The following ITGAV variants were observed in gnomAD, a reference collection of about 807,000 sequenced individuals.
ITGAV encodes integrin subunit alpha V.
In ITGAV, 76 loss-of-function variants were observed where a neutral mutation model predicts 143.8. The observed-to-expected ratio is 0.53, with a 90% confidence interval of 0.44 to 0.64. ITGAV has a LOEUF of 0.64. Ranked by LOEUF, ITGAV falls within the 30% of genes least tolerant of loss-of-function variation. ITGAV has a pLI of 0.00. For missense variants in ITGAV, 1,193 were observed against 1,274.7 expected, an observed-to-expected ratio of 0.94 and a Z score of 0.98; for synonymous variants, 453 against 446.7, an observed-to-expected ratio of 1.01 and a Z score of -0.18.
chr2:186,649,816 C>A, intron 13 of ITGAV, 24 bp from the exon 14 acceptor site: 1 of 1,511,610 alleles, frequency 6.6e-7, no homozygotes, highest in African/African-American at 1.4e-5. Context: ...TCATTATTAA[C>A]ATGTTTTTCC....
chr2:186,607,125 T>A (rs1442386030), intron 2 of ITGAV, among the ~76,000 whole-genome samples: 1 of 152,180 alleles, frequency 6.6e-6, no homozygotes, highest in Non-Finnish European at 1.5e-5. Flanking sequence ...CCTGCCATTC[T>A]ACATTGTATA....
intron 18 of ITGAV, among the ~76,000 whole-genome samples, chr2:186,660,281 T>C (rs1458876794): frequency 6.6e-6 from 1 of 152,206 alleles, no homozygotes; most frequent in Non-Finnish European, 1.5e-5. Flanking sequence ...GTAGGCTAAC[T>C]TTTGAAACCC....
In ITGAV at chr2:186,678,354, ACCTGGAC is replaced by A. The variant is rs1173451696; in HGVS notation, c.*1065_*1071del. 2 of 159,730 alleles carry A rather than the reference ACCTGGAC, an allele frequency of 1.3e-5. No individual in the cohort carries two copies. The highest frequency in any genetic ancestry group is 4.8e-5 in the African/African-American group (2 of 41,454). 9.9% of individuals were successfully genotyped at this position (159,730 alleles called of 1,614,324 possible). A position where few individuals can be genotyped will look rare whatever the true frequency, so the allele number is the denominator to read the frequency against. ...TGAGAAATCTTTACAGTTGACAGGA[ACCTGGAC>A]CCCTTACCCCAACTTTATGAGTAAT... On this transcript the variant is annotated 3_prime_UTR_variant, in exon 30 of 30. Coordinates refer to ENST00000261023, the MANE Select transcript of ITGAV (RefSeq NM_002210.5).
intron 26 of ITGAV, among the ~76,000 whole-genome samples, chr2:186,670,134 G>T (rs986886954): frequency 1.3e-5 from 2 of 152,078 alleles, no homozygotes; most frequent in Admixed American, 1.3e-4. Context: ...AATCCAGAAG[G>T]TCCCAACAAA....
intron 2 of ITGAV, among the ~76,000 whole-genome samples, chr2:186,618,186 C>CA (rs1483878526): frequency 1.3e-5 from 2 of 151,988 alleles, no homozygotes; most frequent in Admixed American, 6.6e-5. Flanking sequence ...ACTTGGTCTC[C>CA]AAAAAAACAA....
Position 186,622,425 on chromosome 2 carries a change from AT to A in ITGAV, c.407del (p.Leu136TrpfsTer13), listed in dbSNP as rs1687555126. On this transcript the variant is annotated frameshift_variant, in exon 3 of 30. Coordinates refer to ENST00000261023, the MANE Select transcript of ITGAV (RefSeq NM_002210.5). LOFTEE classifies it high-confidence loss of function. ...GASVRSKQDK[I>X]LACAPLYHWR... ...ATCTGTGAGGTCGAAACAGGATAAA[AT>A]TTTGGTGAGTCTTCTGGATATTTAC... is the stretch of plus-strand genomic sequence containing the variant. 2 of 1,605,530 alleles carry A rather than the reference AT, an allele frequency of 1.2e-6. No homozygotes were observed. Among genetic ancestry groups the A allele is most frequent in the Non-Finnish European group, 1.7e-6 (2 of 1,172,266 alleles).
At position 186,646,767 on chromosome 2, in the gene ITGAV, A is replaced by T; in HGVS notation, c.1241A>T (p.Asn414Ile). ...YIFNGRSTGL[N>I]AVPSQILEGQ... is the part of the protein sequence containing the mutation. Reference sequence around the variant, plus strand: ...TTCAATGGAAGATCAACAGGCTTGAACGCAGTCCCATCTCAAATCCTTGAA... The same window carrying T: ...TTCAATGGAAGATCAACAGGCTTGATCGCAGTCCCATCTCAAATCCTTGAA... Residue 414 changes from asparagine (N) to isoleucine (I), a missense_variant, in exon 13 of 30, where the codon AAC (asparagine) becomes ATC (isoleucine). Physicochemically the swap from Asn to Ile is moderately radical, Grantham distance 149 (BLOSUM62 -3). Transcript: ENST00000261023. The T allele has an allele frequency of 6.2e-7, 1 of 1,613,224 alleles. No homozygotes were observed. Among genetic ancestry groups the T allele is most frequent in the Non-Finnish European group, 8.5e-7 (1 of 1,179,440 alleles).
intron 10 of ITGAV, among the ~76,000 whole-genome samples, chr2:186,640,525 A>G (rs1480682793): frequency 1.3e-5 from 2 of 152,200 alleles, no homozygotes; most frequent in African/African-American, 4.8e-5. Context: ...TTCAATCACA[A>G]CATTTGTCTG....
intron 12 of ITGAV, among the ~76,000 whole-genome samples, chr2:186,643,963 A>G (rs1688179353): frequency 6.6e-6 from 1 of 152,168 alleles, no homozygotes; most frequent in Admixed American, 6.5e-5. Context: ...TTATTTGTTG[A>G]GACAGGGTAT....
chr2:186,626,712 T>C (rs951090614), intron 4 of ITGAV, among the ~76,000 whole-genome samples: 3 of 152,104 alleles, frequency 2.0e-5, no homozygotes, highest in Admixed American at 6.5e-5. Context: ...GAAGTGAACA[T>C]TAAAAGAGTG....
Position 186,631,634 on chromosome 2 carries a change from G to A in ITGAV, c.585+776G>A, listed in dbSNP as rs369418925. Among the ~76,000 whole-genome samples, 21 of 152,222 alleles carry A rather than the reference G, an allele frequency of 1.4e-4. No individual in the cohort carries two copies. In the East Asian group the frequency reaches 3.1e-3, roughly 22 times the overall value. Reference sequence around the variant, plus strand: ...CCTTCCTTAGAAAGCTTATATGTACGCTTTCTTAGAAATGTGAGCAAAGAG... The same window carrying A: ...CCTTCCTTAGAAAGCTTATATGTACACTTTCTTAGAAATGTGAGCAAAGAG... On this transcript the variant is annotated intron_variant, in intron 5 of 29. Coordinates refer to ENST00000261023, the MANE Select transcript of ITGAV (RefSeq NM_002210.5).
chr2:186,677,499 GTTTTTAGGTATTTAAATAATAAAA>G lies in ITGAV; in HGVS notation c.*211_*234del. The G allele has an allele frequency of 2.2e-6, 1 of 462,032 alleles. No individual in the cohort carries two copies. The highest frequency in any genetic ancestry group is 3.7e-5 in the East Asian group (1 of 27,218). The allele number at this position is 462,032 out of a possible 1,614,324, so 28.6% of individuals were successfully genotyped here. ...CATTTAATAACATAGGGTGACTTGT[GTTTTTAGGTATTTAAATAATAAAA>G]TTTCAAGGGATAGTTTTTATTCAAT... On this transcript the variant is annotated 3_prime_UTR_variant, in exon 30 of 30. Transcript: ENST00000261023.
At chr2:186,608,048 C>T (rs890509706) in intron 2 of ITGAV, among the ~76,000 whole-genome samples, 10 of 152,242 alleles carry the variant, frequency 6.6e-5, no homozygotes, top group African/African-American at 1.7e-4. Context: ...ATGACTCCTG[C>T]GTCTACCAGG....
chr2:186,608,517 G>C (rs946926245), intron 2 of ITGAV, among the ~76,000 whole-genome samples: 1 of 152,224 alleles, frequency 6.6e-6, no homozygotes, highest in Non-Finnish European at 1.5e-5. Context: ...TTGTAAAATG[G>C]TCCTTTCCTC....
chr2:186,611,605 T>C (rs997327624), intron 2 of ITGAV, among the ~76,000 whole-genome samples: 2 of 152,196 alleles, frequency 1.3e-5, no homozygotes, highest in Non-Finnish European at 2.9e-5. Flanking sequence ...CTTTTTCCCT[T>C]GGCAGCTTTG....
chr2:186,653,928 C>T (rs1032050898), intron 15 of ITGAV, among the ~76,000 whole-genome samples: 1 of 152,102 alleles, frequency 6.6e-6, no homozygotes, highest in African/African-American at 2.4e-5. Flanking sequence ...TGAACACAAC[C>T]CATTAAACTG....
At chr2:186,671,104 C>G (rs1689049117) in intron 26 of ITGAV, among the ~76,000 whole-genome samples, 1 of 152,136 alleles carries the variant, frequency 6.6e-6, no homozygotes, top group Non-Finnish European at 1.5e-5. Context: ...GCTCCTTTCC[C>G]TTCTCGATTG....
chr2:186,676,433 C>T (rs1689210661), intron 28 of ITGAV: 1 of 173,724 alleles, frequency 5.8e-6, no homozygotes, highest in South Asian at 1.4e-4. Flanking sequence ...GAAACCCCTT[C>T]TCTACGAAAA....
chr2:186,624,458 C>T (rs1338777344), intron 3 of ITGAV, among the ~76,000 whole-genome samples: 1 of 152,016 alleles, frequency 6.6e-6, no homozygotes, highest in Non-Finnish European at 1.5e-5. Flanking sequence ...TGCAAAGAAG[C>T]AGGAGTAAGG....
Sources: allele counts gnomAD v4.1 joint callset (sites outside exome capture counted in the v4.1 genomes callset), GRCh38; gene constraint gnomAD v4.1.1; transcripts MANE v1.5; gene names NCBI Gene and HGNC (gene_info 2026-07-23, HGNC 2026-07-21).